LRRC4C: variants seen among roughly 807,000 people sequenced by gnomAD.
LRRC4C encodes leucine rich repeat containing 4C.
In LRRC4C, 5 loss-of-function variants were observed where a neutral mutation model predicts 33.6. That is an observed-to-expected ratio of 0.15 (90% CI 0.08 to 0.31). The LOEUF (loss-of-function observed/expected upper bound fraction) is 0.31, where lower values mean the gene tolerates loss of function less well. Ranked by LOEUF, LRRC4C falls within the 10% of genes least tolerant of loss-of-function variation. The probability of loss-of-function intolerance (pLI) is 1.00; values close to 1 mark genes in which losing one functional copy is unlikely to be tolerated. For synonymous variants in LRRC4C, 329 were observed against 302.0 expected, an observed-to-expected ratio of 1.09 and a Z score of -0.93; for missense variants, 560 against 796.7, an observed-to-expected ratio of 0.70 and a Z score of 3.58.
At chr11:41,232,425 C>T (rs969532401) in intron 1 of LRRC4C, among the ~76,000 whole-genome samples, 28 of 152,082 alleles carry the variant, frequency 1.8e-4, no homozygotes, top group African/African-American at 6.0e-4. Flanking sequence ...ACATAACAAT[C>T]AAAAATGCCT....
intron 2 of LRRC4C, among the ~76,000 whole-genome samples, chr11:40,756,527 C>T (rs1190703646): frequency 6.6e-6 from 1 of 152,044 alleles, no homozygotes; most frequent in Non-Finnish European, 1.5e-5. Context: ...TACACTGCCT[C>T]AATGAAACTG....
intron 5 of LRRC4C, among the ~76,000 whole-genome samples, chr11:40,185,689 TCAGA>T: frequency 6.6e-6 from 1 of 152,286 alleles, no homozygotes; most frequent in East Asian, 1.9e-4. Context: ...TCCCCATTTT[TCAGA>T]CAAAGAAAGA....
At chr11:40,468,507 C>T (rs1478061750) in intron 3 of LRRC4C, among the ~76,000 whole-genome samples, 2 of 151,970 alleles carry the variant, frequency 1.3e-5, no homozygotes, top group African/African-American at 4.8e-5. Context: ...ACAGTAAAAT[C>T]TAGAATGGTT....
chr11:40,119,204 A>G (rs558064110), intron 6 of LRRC4C, among the ~76,000 whole-genome samples: 1 of 152,316 alleles, frequency 6.6e-6, no homozygotes, highest in South Asian at 2.1e-4. Context: ...GTCATTAGCA[A>G]TCCTTAAACA....
intron 4 of LRRC4C, among the ~76,000 whole-genome samples, chr11:40,311,132 ATCT>A (rs1295116558): frequency 6.6e-6 from 1 of 152,178 alleles, no homozygotes. Flanking sequence ...CATCCATAAA[ATCT>A]TCTGTGATCA....
intron 3 of LRRC4C, among the ~76,000 whole-genome samples, chr11:40,417,030 C>T (rs1421999219): frequency 2.6e-5 from 4 of 152,148 alleles, no homozygotes; most frequent in African/African-American, 9.7e-5. Context: ...GTGAATGTCC[C>T]TTTTCAAATG....
chr11:40,288,549 C>G (rs533569597), intron 4 of LRRC4C, among the ~76,000 whole-genome samples: 65 of 152,116 alleles, frequency 4.3e-4, no homozygotes, highest in Non-Finnish European at 8.2e-4. Flanking sequence ...GGACAGAAAA[C>G]AGGGCTGCTG....
Position 40,114,881 on chromosome 11 carries a change from G to A in LRRC4C, c.1412C>T (p.Thr471Ile), listed in dbSNP as rs1468280863. The A allele has an allele frequency of 6.2e-7, 1 of 1,614,148 alleles. No homozygotes were observed. Among genetic ancestry groups the A allele is most frequent in the South Asian group, 1.1e-5 (1 of 91,082 alleles). Reference sequence around the variant, plus strand: ...AGTGGGACCCACATTGTTATCTGTGGTCCGTGCCTCATCCTGAGACGGTTC... The same window carrying A: ...AGTGGGACCCACATTGTTATCTGTGATCCGTGCCTCATCCTGAGACGGTTC... ...TMEPSQDEAR[T>I]TDNNVGPTPV... Residue 471 changes from threonine to isoleucine, a missense_variant, in exon 7 of 7, where the codon ACC (threonine) becomes ATC (isoleucine). This residue lies in a region of LRRC4C where 455 missense variants were observed against 643.8 expected (regional missense o/e 0.71). Transcript: ENST00000528697.
intron 1 of LRRC4C, among the ~76,000 whole-genome samples, chr11:41,111,461 T>C (rs568739585): frequency 6.6e-6 from 1 of 152,194 alleles, no homozygotes; most frequent in South Asian, 2.1e-4. Flanking sequence ...GTAGATAAAG[T>C]ATATTAAACT....
chr11:40,584,433 C>T (rs907705782), intron 3 of LRRC4C, among the ~76,000 whole-genome samples: 2 of 151,566 alleles, frequency 1.3e-5, no homozygotes, highest in Non-Finnish European at 2.9e-5. Flanking sequence ...TATTATTTTC[C>T]ACCACAGATA....
chr11:40,961,456 C>T (rs770097512), intron 1 of LRRC4C, among the ~76,000 whole-genome samples: 72 of 151,638 alleles, frequency 4.7e-4, no homozygotes, highest in Non-Finnish European at 9.3e-4. Flanking sequence ...TTGCAAACTT[C>T]CCAATATCAG....
chr11:40,446,707 T>G (rs1031088001), intron 3 of LRRC4C: 1 of 152,186 alleles, frequency 6.6e-6, no homozygotes, highest in African/African-American at 2.4e-5. Flanking sequence ...ACAATCGTGG[T>G]GGAAGGTGAA....
chr11:41,367,064 A>G (rs1157916232), intron 1 of LRRC4C, among the ~76,000 whole-genome samples: 1 of 152,178 alleles, frequency 6.6e-6, no homozygotes, highest in Admixed American at 6.5e-5. Flanking sequence ...TGTTCTTTCT[A>G]TCTCACTGCA....
At chr11:40,515,785 G>A (rs2135178984) in intron 3 of LRRC4C, among the ~76,000 whole-genome samples, 1 of 152,158 alleles carries the variant, frequency 6.6e-6, no homozygotes, top group Admixed American at 6.5e-5. Flanking sequence ...AGCCATGTTT[G>A]AGGTGAACCA....
intron 2 of LRRC4C, among the ~76,000 whole-genome samples, chr11:40,855,426 C>T (rs531567588): frequency 1.3e-5 from 2 of 152,278 alleles, no homozygotes; most frequent in African/African-American, 4.8e-5. Context: ...TGCCTTATAA[C>T]GCCATATTAA....
intron 1 of LRRC4C, among the ~76,000 whole-genome samples, chr11:41,444,624 C>T (rs1019495128): frequency 1.3e-5 from 2 of 151,956 alleles, no homozygotes; most frequent in African/African-American, 2.4e-5. Context: ...TCTCAATGAG[C>T]GTTTAATAGT....
chr11:41,284,240 C>T (rs550336191), intron 1 of LRRC4C, among the ~76,000 whole-genome samples: 6 of 152,184 alleles, frequency 3.9e-5, no homozygotes, highest in South Asian at 2.1e-4. Flanking sequence ...AAAACAATCA[C>T]GAATATAAAA....
intron 1 of LRRC4C, among the ~76,000 whole-genome samples, chr11:41,327,971 G>A (rs1474717512): frequency 1.3e-5 from 2 of 152,088 alleles, no homozygotes; most frequent in African/African-American, 2.4e-5. Flanking sequence ...GTATGAAAAT[G>A]GACTAATACA....
At chr11:40,655,571 G>T (rs377181326) in intron 2 of LRRC4C, among the ~76,000 whole-genome samples, 9 of 152,134 alleles carry the variant, frequency 5.9e-5, no homozygotes, top group Admixed American at 2.6e-4. Flanking sequence ...ATATTGTACT[G>T]TTGCCTCTGA....
Sources: allele counts gnomAD v4.1 joint callset (sites outside exome capture counted in the v4.1 genomes callset), GRCh38; gene constraint gnomAD v4.1.1; regional missense constraint gnomAD v4.1.1; transcripts MANE v1.5; gene names NCBI Gene and HGNC (gene_info 2026-07-23, HGNC 2026-07-21).